Variants in TEAD1 observed in about 807,000 individuals in gnomAD.
The protein encoded by TEAD1 is transcriptional enhancer factor TEF-1.
A neutral mutation model predicts 54.9 loss-of-function variants in TEAD1; 9 were observed. That is an observed-to-expected ratio of 0.16 (90% confidence interval 0.10 to 0.29). The LOEUF is 0.29. TEAD1 is among the 10% of genes least tolerant of loss of function. TEAD1 has a pLI of 1.00. For missense variants in TEAD1, 387 were observed against 535.9 expected (o/e 0.72, Z 2.74); for synonymous variants, 200 against 187.8 (o/e 1.07, Z -0.53).
intron 9 of TEAD1, among the ~76,000 whole-genome samples, chr11:12,889,644 G>A (rs1389217762): frequency 6.6e-6 from 1 of 152,226 alleles, no homozygotes; most frequent in African/African-American, 2.4e-5. Context: ...CAGAAGAGAA[G>A]TTCCATGATA....
chr11:12,912,601 C>G (rs972948900), intron 10 of TEAD1, among the ~76,000 whole-genome samples: 3 of 151,938 alleles, frequency 2.0e-5, no homozygotes, highest in Admixed American at 6.6e-5. Flanking sequence ...GCATTCACTT[C>G]AAAAGACCAT....
chr11:12,878,041 A>G (rs1947890420), intron 5 of TEAD1, among the ~76,000 whole-genome samples: 1 of 151,944 alleles, frequency 6.6e-6, no homozygotes. Flanking sequence ...TCCTGGGCCC[A>G]AGTAATCCTC....
chr11:12,837,544 A>T (rs1946918949), intron 3 of TEAD1, among the ~76,000 whole-genome samples: 1 of 152,138 alleles, frequency 6.6e-6, no homozygotes, highest in Non-Finnish European at 1.5e-5. Flanking sequence ...TCAAGGTATT[A>T]ACAGGTTTAG....
At chr11:12,770,016 G>C (rs188668789) in intron 3 of TEAD1, among the ~76,000 whole-genome samples, 136 of 152,328 alleles carry the variant, frequency 8.9e-4, no homozygotes, top group Non-Finnish European at 1.4e-3. Context: ...TTTATTTAAT[G>C]ATCTTAGATT....
intron 4 of TEAD1, 29 bp downstream of exon 4, chr11:12,862,343 T>A: frequency 6.2e-7 from 1 of 1,608,260 alleles, no homozygotes; most frequent in Non-Finnish European, 8.5e-7. Flanking sequence ...AAATTGTGCA[T>A]GTCAGCGAAT....
At chr11:12,761,016 G>C (rs1473527782) in intron 2 of TEAD1, among the ~76,000 whole-genome samples, 1 of 152,174 alleles carries the variant, frequency 6.6e-6, no homozygotes, top group Non-Finnish European at 1.5e-5. Context: ...TTGCTAGATA[G>C]GTAATTCCAT....
At chr11:12,719,550 C>G (rs1183706197) in intron 2 of TEAD1, among the ~76,000 whole-genome samples, 1 of 122,624 alleles carries the variant, frequency 8.2e-6, no homozygotes, top group African/African-American at 3.2e-5. Flanking sequence ...TGACTCTCCC[C>G]TTTCTCTTTC....
At chr11:12,797,447 T>C (rs1180502505) in intron 3 of TEAD1, among the ~76,000 whole-genome samples, 1 of 152,160 alleles carries the variant, frequency 6.6e-6, no homozygotes, top group East Asian at 1.9e-4. Flanking sequence ...CTTTTCTCAT[T>C]CCTGGACTTC....
chr11:12,766,127 AT>A (rs1945203012), intron 3 of TEAD1, among the ~76,000 whole-genome samples: 1 of 152,216 alleles, frequency 6.6e-6, no homozygotes, highest in East Asian at 1.9e-4. Context: ...AGAAATCCCA[AT>A]GGGGCATAAC....
chr11:12,885,829 T>G (rs1948075939), intron 9 of TEAD1, among the ~76,000 whole-genome samples: 1 of 152,234 alleles, frequency 6.6e-6, no homozygotes, highest in Admixed American at 6.5e-5. Context: ...GCTAAACATT[T>G]TGAATCATTC....
At chr11:12,777,284 A>C (rs1054032900) in intron 3 of TEAD1, among the ~76,000 whole-genome samples, 2 of 152,104 alleles carry the variant, frequency 1.3e-5, no homozygotes, top group African/African-American at 4.8e-5. Context: ...AAAGTTTTAC[A>C]GCTTCTGGGG....
intron 5 of TEAD1, among the ~76,000 whole-genome samples, chr11:12,870,307 C>T (rs1947716477): frequency 6.6e-6 from 1 of 152,074 alleles, no homozygotes; most frequent in South Asian, 2.1e-4. Context: ...TGGATACAGA[C>T]CCTGACTGCA....
chr11:12,814,720 G>A (rs1349076601), intron 3 of TEAD1, among the ~76,000 whole-genome samples: 1 of 152,022 alleles, frequency 6.6e-6, no homozygotes, highest in Non-Finnish European at 1.5e-5. Context: ...CACACCGTAA[G>A]CAAGACAGCC....
At chr11:12,683,632 T>C (rs950818832) in intron 2 of TEAD1, among the ~76,000 whole-genome samples, 2 of 152,018 alleles carry the variant, frequency 1.3e-5, no homozygotes, top group Non-Finnish European at 2.9e-5. Flanking sequence ...TGGGAGTAGG[T>C]TGTTAGAAAA....
intron 3 of TEAD1, among the ~76,000 whole-genome samples, chr11:12,842,994 A>G (rs572047952): frequency 6.6e-6 from 1 of 152,324 alleles, no homozygotes; most frequent in African/African-American, 2.4e-5. Flanking sequence ...AACTAACTCT[A>G]TTCTGCTAGG....
chr11:12,676,381 C>T (rs554972943), intron 2 of TEAD1, among the ~76,000 whole-genome samples: 81 of 152,280 alleles, frequency 5.3e-4, no homozygotes, highest in African/African-American at 1.9e-3. Flanking sequence ...CGGGAGTGGG[C>T]TCCTTTCTCT....
intron 6 of TEAD1, among the ~76,000 whole-genome samples, chr11:12,880,691 CAGTT>C (rs780964539): frequency 6.6e-6 from 1 of 152,168 alleles, no homozygotes; most frequent in Admixed American, 6.5e-5. Context: ...ATAAATCAGT[CAGTT>C]CAAATATTGG....
At chr11:12,797,463 G>A (rs16911606) in intron 3 of TEAD1, among the ~76,000 whole-genome samples, 5,409 of 151,948 alleles carry the variant, frequency 0.036, 338 homozygotes, top group African/African-American at 0.12. Context: ...ACTTCTTGAC[G>A]TTTGTGCTTT....
chr11:12,937,663 A>G lies in TEAD1; in HGVS notation c.*441A>G, dbSNP rs1949122546. On this transcript the variant is annotated 3_prime_UTR_variant, in exon 13 of 13. Transcript: ENST00000527636. ...ACATAAAATTCTTGTTTTAAGATAC[A>G]AGTAAAATTAATCTTTAAATATAAA... is the stretch of plus-strand genomic sequence containing the variant. 6.5e-6 allele frequency: 1 copy of G among 153,624 alleles called. No homozygotes were observed. The highest frequency in any genetic ancestry group is 6.5e-5 in the Admixed American group (1 of 15,464). The allele number at this position is 153,624 out of a possible 1,614,324, so 9.5% of individuals were successfully genotyped here. A position where few individuals can be genotyped will look rare whatever the true frequency, so the allele number is the denominator to read the frequency against.
Sources: gnomAD v4.1 joint callset for allele counts (sites outside exome capture counted in the v4.1 genomes callset) on GRCh38, gnomAD v4.1.1 for gene constraint, MANE v1.5 for transcripts, NCBI Gene and HGNC (gene_info 2026-07-23, HGNC 2026-07-21) for gene names.